Variants in NTM observed in about 807,000 individuals in gnomAD.
NTM encodes the protein neurotrimin.
In NTM, 13 loss-of-function variants were observed where a neutral mutation model predicts 42.1. The observed-to-expected ratio is 0.31, with a 90% confidence interval of 0.20 to 0.49. The LOEUF is 0.49. Ranked by LOEUF, NTM falls within the 20% of genes least tolerant of loss-of-function variation. The pLI is 0.99. For missense variants in NTM, 373 were observed against 452.8 expected (o/e 0.82, Z 1.60); for synonymous variants, 187 against 179.2 (o/e 1.04, Z -0.35).
intron 1 of NTM, among the ~76,000 whole-genome samples, chr11:131,826,048 A>G (rs1213895298): frequency 6.6e-6 from 1 of 152,152 alleles, no homozygotes; most frequent in Non-Finnish European, 1.5e-5. Context: ...TAAAGTGGAG[A>G]GAGCCTAGGA....
At chr11:132,255,550 A>G (rs571710304) in intron 4 of NTM, among the ~76,000 whole-genome samples, 1 of 152,196 alleles carries the variant, frequency 6.6e-6, no homozygotes, top group Non-Finnish European at 1.5e-5. Flanking sequence ...GCAAATCTCA[A>G]TTCACCTTTC....
At chr11:132,332,877 C>T (rs1413489242) in intron 8 of NTM, 4 of 152,190 alleles carry the variant, frequency 2.6e-5, no homozygotes, top group African/African-American at 9.7e-5. Flanking sequence ...GAGGAGAGAA[C>T]ACCTCAGTGC....
intron 1 of NTM, among the ~76,000 whole-genome samples, chr11:131,729,539 A>G (rs1201891416): frequency 6.6e-6 from 1 of 152,110 alleles, no homozygotes; most frequent in Non-Finnish European, 1.5e-5. Context: ...TTCCAGAACG[A>G]TTTTTATCAC....
At chr11:131,503,081 G>A (rs942277008) in intron 1 of NTM, 1 of 152,428 alleles carries the variant, frequency 6.6e-6, no homozygotes, top group African/African-American at 2.4e-5. Flanking sequence ...GGAGGCCTTG[G>A]CTGTTGCCTC....
chr11:132,095,809 C>G (rs34183560), intron 2 of NTM, among the ~76,000 whole-genome samples: 102,196 of 151,750 alleles, frequency 0.67, 34,863 homozygotes, highest in Middle Eastern at 0.75. Flanking sequence ...ACCTGGGGTG[C>G]TTCAAAACTG....
intron 1 of NTM, among the ~76,000 whole-genome samples, chr11:131,502,264 G>A (rs73026109): frequency 0.1 from 15,933 of 152,150 alleles, 889 homozygotes; most frequent in South Asian, 0.18. Context: ...CTGCCCTTAT[G>A]AAGGAGCCTC....
At chr11:131,945,857 A>T (rs1023430332) in intron 2 of NTM, among the ~76,000 whole-genome samples, 4 of 152,236 alleles carry the variant, frequency 2.6e-5, no homozygotes, top group African/African-American at 9.6e-5. Flanking sequence ...TAAAATGAAT[A>T]GATGGCGTCT....
At chr11:131,643,871 C>T (rs1419759575) in intron 1 of NTM, among the ~76,000 whole-genome samples, 1 of 152,170 alleles carries the variant, frequency 6.6e-6, no homozygotes, top group Non-Finnish European at 1.5e-5. Context: ...GGTCTCCAGA[C>T]CTGAGACCAG....
intron 6 of NTM, 100 bp from the exon 7 acceptor site, chr11:132,314,452 G>T (rs993223901): frequency 7.6e-7 from 1 of 1,309,218 alleles, no homozygotes; most frequent in Non-Finnish European, 1.0e-6. Context: ...ATGTCAGAAA[G>T]GGGGGCAAGG....
chr11:131,849,792 A>T (rs1264264017), intron 1 of NTM, among the ~76,000 whole-genome samples: 1 of 135,264 alleles, frequency 7.4e-6, no homozygotes, highest in African/African-American at 2.8e-5. Flanking sequence ...GGACACAGGA[A>T]GGGGAACATC....
chr11:131,401,816 A>ATATATATATATATATATATGTG (rs1945197690), intron 1 of NTM, among the ~76,000 whole-genome samples: 3 of 33,262 alleles, frequency 9.0e-5, no homozygotes, highest in Non-Finnish European at 1.7e-4. Context: ...ATATATATAT[A>ATATATATATATATATATATGTG]TATATATATA....
At chr11:131,572,673 C>A (rs754932123) in intron 1 of NTM, among the ~76,000 whole-genome samples, 25 of 152,150 alleles carry the variant, frequency 1.6e-4, no homozygotes, top group African/African-American at 2.4e-4. Flanking sequence ...GCTCAGACAT[C>A]CCCACAGAGG....
At chr11:131,497,606 A>G (rs1263218276) in intron 1 of NTM, among the ~76,000 whole-genome samples, 2 of 152,262 alleles carry the variant, frequency 1.3e-5, no homozygotes, top group African/African-American at 4.8e-5. Context: ...ACCAGAGTGT[A>G]GGATACAGTA....
At chr11:131,819,442 G>A (rs960708728) in intron 1 of NTM, among the ~76,000 whole-genome samples, 3 of 152,088 alleles carry the variant, frequency 2.0e-5, no homozygotes, top group Non-Finnish European at 2.9e-5. Flanking sequence ...TCACATACCC[G>A]CTCACTCATT....
At chr11:131,520,907 A>G (rs911810072) in intron 1 of NTM, among the ~76,000 whole-genome samples, 2 of 152,192 alleles carry the variant, frequency 1.3e-5, no homozygotes, top group African/African-American at 4.8e-5. Context: ...TGTGGGCTGT[A>G]CAAGAGCATG....
intron 1 of NTM, among the ~76,000 whole-genome samples, chr11:131,880,812 T>C (rs1361424968): frequency 1.3e-5 from 2 of 152,190 alleles, no homozygotes; most frequent in East Asian, 1.9e-4. Context: ...TTTTTTTTTT[T>C]CTTTTGCCCC....
intron 2 of NTM, among the ~76,000 whole-genome samples, chr11:132,048,787 G>A (rs1307298563): frequency 6.7e-6 from 1 of 148,616 alleles, no homozygotes; most frequent in Non-Finnish European, 1.5e-5. Context: ...AAAAACACCA[G>A]AACTACAGAG....
intron 1 of NTM, among the ~76,000 whole-genome samples, chr11:131,628,132 G>A (rs1002281270): frequency 6.6e-6 from 1 of 152,202 alleles, no homozygotes; most frequent in Non-Finnish European, 1.5e-5. Flanking sequence ...GACCCACGAA[G>A]CCACTAAGGG....
intron 1 of NTM, among the ~76,000 whole-genome samples, chr11:131,661,581 C>A (rs1332758968): frequency 3.9e-5 from 6 of 152,166 alleles, no homozygotes; most frequent in Non-Finnish European, 8.8e-5. Context: ...ACATCACTTA[C>A]TTTCTCTTTA....
Sources: allele counts gnomAD v4.1 joint callset (sites outside exome capture counted in the v4.1 genomes callset), GRCh38; gene constraint gnomAD v4.1.1; transcripts MANE v1.5; gene names NCBI Gene and HGNC (gene_info 2026-07-23, HGNC 2026-07-21).